KCND3: variants seen among roughly 807,000 people sequenced by gnomAD.
KCND3 encodes potassium voltage-gated channel subfamily D member 3.
In KCND3, 9 loss-of-function variants were observed where a neutral mutation model predicts 51.1. The observed-to-expected ratio is 0.18, with a 90% CI of 0.11 to 0.31. The LOEUF is 0.31. Among genes scored for constraint, KCND3 ranks in the 10% least tolerant of loss-of-function variants. The probability of loss-of-function intolerance (pLI) is 1.00; values close to 1 mark genes in which losing one functional copy is unlikely to be tolerated. For synonymous variants in KCND3, 349 were observed against 368.0 expected (o/e 0.95, Z 0.59); for missense variants, 526 against 903.8 (o/e 0.58, Z 5.36).
chr1:111,784,182 G>T (rs370347784), intron 3 of KCND3, among the ~76,000 whole-genome samples: 1 of 150,814 alleles, frequency 6.6e-6, no homozygotes, highest in East Asian at 1.9e-4. Flanking sequence ...AATAAGATTG[G>T]TAGGTTGTAC....
intron 2 of KCND3, among the ~76,000 whole-genome samples, chr1:111,819,971 T>C (rs1213301911): frequency 6.6e-6 from 1 of 152,220 alleles, no homozygotes; most frequent in Non-Finnish European, 1.5e-5. Context: ...CAGAATTCCC[T>C]GATCCTGCAC....
At chr1:111,831,521 A>G (rs2101620543) in intron 2 of KCND3, among the ~76,000 whole-genome samples, 1 of 152,320 alleles carries the variant, frequency 6.6e-6, no homozygotes, top group African/African-American at 2.4e-5. Context: ...CAGAACCATG[A>G]GCCAATTAAG....
chr1:111,984,604 A>G (rs1376990659), intron 1 of KCND3, among the ~76,000 whole-genome samples: 1 of 151,996 alleles, frequency 6.6e-6, no homozygotes, highest in African/African-American at 2.4e-5. Context: ...CAAGGTTCTG[A>G]TTGTATTTTA....
chr1:111,826,915 TG>T (rs910168768), intron 2 of KCND3, among the ~76,000 whole-genome samples: 7 of 152,170 alleles, frequency 4.6e-5, no homozygotes, highest in African/African-American at 7.2e-5. Flanking sequence ...CCAAAAGGCT[TG>T]GGACCAGAAG....
At position 111,973,864 on chromosome 1, in the gene KCND3, A is replaced by G. The variant is rs17029183; in HGVS notation, c.1106+7757T>C. The stretch of plus-strand genomic sequence containing the variant: ...CTCAGTGGGAAATAATGAGGGTGAT[A>G]GGATCTTACAGCATCACATTACAAA... On this transcript the variant is annotated intron_variant, in intron 2 of 7. Coordinates refer to ENST00000302127, the MANE Select transcript of KCND3 (RefSeq NM_001378969.1). 5.3e-3 allele frequency among the ~76,000 whole-genome samples: 804 copies of G among 152,356 alleles called. 5 individuals carry two copies. Among genetic ancestry groups the G allele is most frequent in the African/African-American group, 0.019 (778 of 41,576 alleles).
chr1:111,784,040 C>T (rs549507440), intron 3 of KCND3, among the ~76,000 whole-genome samples: 22 of 151,880 alleles, frequency 1.4e-4, no homozygotes, highest in East Asian at 7.7e-4. Context: ...GGGCAACCCA[C>T]GGGATCCTTG....
chr1:111,946,850 A>T (rs1340826225), intron 2 of KCND3, among the ~76,000 whole-genome samples: 1 of 152,212 alleles, frequency 6.6e-6, no homozygotes, highest in Non-Finnish European at 1.5e-5. Flanking sequence ...GCCAATCAAT[A>T]ACAAATGCAT....
chr1:111,896,099 C>G (rs541761265), intron 2 of KCND3, among the ~76,000 whole-genome samples: 1 of 152,234 alleles, frequency 6.6e-6, no homozygotes, highest in Non-Finnish European at 1.5e-5. Flanking sequence ...ATAACAGCCC[C>G]GGGAGGCAGG....
chr1:111,815,681 A>G (rs1001814304), intron 2 of KCND3, among the ~76,000 whole-genome samples: 3 of 151,676 alleles, frequency 2.0e-5, no homozygotes, highest in Non-Finnish European at 2.9e-5. Flanking sequence ...TTCTTGTTAC[A>G]TTGAGAACTG....
At chr1:111,843,242 C>T (rs1396792235) in intron 2 of KCND3, among the ~76,000 whole-genome samples, 2 of 152,206 alleles carry the variant, frequency 1.3e-5, no homozygotes, top group Admixed American at 6.5e-5. Flanking sequence ...GCAAGGGACA[C>T]AGCCCTGTGC....
chr1:111,872,012 C>T (rs1339748183), intron 2 of KCND3, among the ~76,000 whole-genome samples: 3 of 152,004 alleles, frequency 2.0e-5, no homozygotes, highest in East Asian at 1.9e-4. Flanking sequence ...CGTGGAGCAG[C>T]GAAGGCCAAA....
At chr1:111,928,111 G>A (rs554115917) in intron 2 of KCND3, among the ~76,000 whole-genome samples, 67 of 151,928 alleles carry the variant, frequency 4.4e-4, no homozygotes, top group African/African-American at 1.6e-3. Flanking sequence ...TTTAGCTAAC[G>A]TATCTCTAGG....
intron 2 of KCND3, among the ~76,000 whole-genome samples, chr1:111,949,676 T>C (rs903309265): frequency 6.6e-6 from 1 of 152,174 alleles, no homozygotes; most frequent in Non-Finnish European, 1.5e-5. Context: ...CTCATATTTT[T>C]AGTTGATTCC....
At chr1:111,788,256 C>T (rs151170775) in intron 2 of KCND3, among the ~76,000 whole-genome samples, 6 of 152,342 alleles carry the variant, frequency 3.9e-5, no homozygotes, top group South Asian at 2.1e-4. Flanking sequence ...ATTACTCCTT[C>T]GGCTAAAGCC....
intron 2 of KCND3, among the ~76,000 whole-genome samples, chr1:111,852,506 G>T (rs1426032293): frequency 6.6e-6 from 1 of 152,144 alleles, no homozygotes; most frequent in East Asian, 1.9e-4. Flanking sequence ...TTCTTTTAAG[G>T]GGTAATCATT....
chr1:111,782,883 A>G (rs1664444901), intron 3 of KCND3, among the ~76,000 whole-genome samples: 1 of 152,294 alleles, frequency 6.6e-6, no homozygotes, highest in African/African-American at 2.4e-5. Context: ...TTACATAACC[A>G]TACCCAGAAT....
At chr1:111,824,411 C>T (rs993210458) in intron 2 of KCND3, among the ~76,000 whole-genome samples, 17 of 152,134 alleles carry the variant, frequency 1.1e-4, no homozygotes, top group African/African-American at 4.1e-4. Flanking sequence ...CTTCTTCTGC[C>T]CTGGTGATTC....
At chr1:111,822,083 CTT>C (rs11291205) in intron 2 of KCND3, among the ~76,000 whole-genome samples, 56 of 146,760 alleles carry the variant, frequency 3.8e-4, no homozygotes, top group Admixed American at 3.4e-4. Flanking sequence ...AGCAGTCTTT[CTT>C]TTTTTTTTTT....
intron 2 of KCND3, among the ~76,000 whole-genome samples, chr1:111,815,425 T>G (rs1287075666): frequency 6.6e-6 from 1 of 151,722 alleles, no homozygotes; most frequent in Non-Finnish European, 1.5e-5. Context: ...TGGACTTCCA[T>G]GTCTGTCTTT....
Sources: allele counts gnomAD v4.1 joint callset (sites outside exome capture counted in the v4.1 genomes callset), GRCh38; gene constraint gnomAD v4.1.1; transcripts MANE v1.5; gene names NCBI Gene and HGNC (gene_info 2026-07-23, HGNC 2026-07-21).